The following SNX8 variants were observed in gnomAD, a reference collection of about 807,000 sequenced individuals.
SNX8 encodes the protein sorting nexin 8.
A neutral mutation model predicts 51.6 loss-of-function variants in SNX8; 25 were observed. The observed-to-expected ratio is 0.48, with a 90% CI of 0.35 to 0.68. The LOEUF is 0.68. Ranked by LOEUF, SNX8 falls within the 30% of genes least tolerant of loss-of-function variation. The probability of loss-of-function intolerance (pLI) is 0.00; values close to 1 mark genes in which losing one functional copy is unlikely to be tolerated. For missense variants in SNX8, 695 were observed against 624.0 expected, an observed-to-expected ratio of 1.11 and a Z score of -1.21; for synonymous variants, 324 against 277.0, an observed-to-expected ratio of 1.17 and a Z score of -1.68.
At chr7:2,336,119 G>A (rs1322916497) in intron 1 of SNX8, among the ~76,000 whole-genome samples, 4 of 130,028 alleles carry the variant, frequency 3.1e-5, no homozygotes, top group African/African-American at 8.3e-5. Flanking sequence ...AAAAAAAAAA[G>A]GGCTGGGCAC....
intron 1 of SNX8, among the ~76,000 whole-genome samples, chr7:2,348,274 C>T (rs1028920000): frequency 6.6e-6 from 1 of 150,616 alleles, no homozygotes; most frequent in Non-Finnish European, 1.5e-5. Context: ...AGCCTGCACG[C>T]TCCACCCAGG....
At chr7:2,321,640 T>C in intron 1 of SNX8, among the ~76,000 whole-genome samples, 1 of 150,280 alleles carries the variant, frequency 6.7e-6, no homozygotes, top group South Asian at 2.1e-4. Flanking sequence ...GGTCTCGATC[T>C]CCTTACCTTG....
intron 8 of SNX8, 24 bp from the exon 9 acceptor site, chr7:2,257,538 G>A (rs774513164): frequency 1.3e-5 from 20 of 1,599,194 alleles, no homozygotes; most frequent in Admixed American, 1.7e-5. Context: ...GGAGGCATTC[G>A]CCCGCTGTCT....
At chr7:2,313,799 C>CT (rs1197880743) in intron 1 of SNX8, among the ~76,000 whole-genome samples, 2 of 152,206 alleles carry the variant, frequency 1.3e-5, no homozygotes, top group Non-Finnish European at 2.9e-5. Flanking sequence ...AGAAAAGCAG[C>CT]TACACATCTA....
chr7:2,320,679 G>A (rs762419553), intron 1 of SNX8, among the ~76,000 whole-genome samples: 14 of 152,086 alleles, frequency 9.2e-5, no homozygotes, highest in Non-Finnish European at 2.1e-4. Context: ...AGCCATGATT[G>A]CCCTGCTCCA....
intron 1 of SNX8, among the ~76,000 whole-genome samples, chr7:2,332,920 GGA>G (rs201619684): frequency 0.033 from 5,015 of 151,730 alleles, 161 homozygotes; most frequent in Non-Finnish European, 0.038. Flanking sequence ...GGGAAAGAAA[GGA>G]GAGAGAGAGG....
chr7:2,330,850 T>C (rs1331183347), intron 1 of SNX8, among the ~76,000 whole-genome samples: 1 of 151,828 alleles, frequency 6.6e-6, no homozygotes, highest in Non-Finnish European at 1.5e-5. Context: ...TGCATATGGA[T>C]AGAAAAGAAG....
chr7:2,312,418 C>A (rs73675882), intron 1 of SNX8, among the ~76,000 whole-genome samples: 2,244 of 152,284 alleles, frequency 0.015, 48 homozygotes, highest in African/African-American at 0.051. Flanking sequence ...TCCCAAGTGA[C>A]CCCTCGGAAA....
chr7:2,319,631 C>G (rs1485786296), intron 1 of SNX8, among the ~76,000 whole-genome samples: 1 of 152,120 alleles, frequency 6.6e-6, no homozygotes, highest in Admixed American at 6.6e-5. Flanking sequence ...CTGGCTAACA[C>G]GGTGAAACCC....
intron 1 of SNX8, among the ~76,000 whole-genome samples, chr7:2,348,661 C>A (rs1405988341): frequency 2.0e-5 from 3 of 148,804 alleles, no homozygotes; most frequent in South Asian, 2.3e-4. Context: ...TTCAGGGTTA[C>A]CCAGCCAGTG....
chr7:2,300,569 T>C (rs1796368211), intron 1 of SNX8, among the ~76,000 whole-genome samples: 1 of 151,740 alleles, frequency 6.6e-6, no homozygotes, highest in Non-Finnish European at 1.5e-5. Context: ...CGTACCACCA[T>C]GCCTGGCTAA....
chr7:2,295,578 G>A (rs1239622599), intron 1 of SNX8, among the ~76,000 whole-genome samples: 7 of 134,466 alleles, frequency 5.2e-5, no homozygotes, highest in Non-Finnish European at 9.2e-5. Context: ...GGTGGCAGGC[G>A]CCTGTAATCC....
chr7:2,296,717 G>A (rs189153091), intron 1 of SNX8, among the ~76,000 whole-genome samples: 1 of 151,838 alleles, frequency 6.6e-6, no homozygotes, highest in African/African-American at 2.4e-5. Context: ...GATCACCTGA[G>A]GTCAGGAGTT....
chr7:2,302,347 A>T (rs7811916), intron 1 of SNX8, among the ~76,000 whole-genome samples: 1 of 152,226 alleles, frequency 6.6e-6, no homozygotes, highest in Non-Finnish European at 1.5e-5. Flanking sequence ...TGAGTGATCC[A>T]CCAGCCTCGG....
chr7:2,289,153 T>C (rs950866504), intron 1 of SNX8, among the ~76,000 whole-genome samples: 6 of 152,170 alleles, frequency 3.9e-5, no homozygotes, highest in Non-Finnish European at 8.8e-5. Flanking sequence ...TGGCTGCCCC[T>C]GTGGTGGGCG....
chr7:2,255,125 G>A lies in SNX8; in HGVS notation c.1329C>T (p.Leu443=). 12 of 1,578,258 alleles carry A rather than the reference G, an allele frequency of 7.6e-6. No individual in the cohort carries two copies. Among genetic ancestry groups the A allele is most frequent in the Non-Finnish European group, 1.0e-5 (12 of 1,162,114 alleles). The change falls in exon 11 of 11, where the codon CTC becomes CTT. Residue 443 remains leucine, a synonymous_variant. Coordinates refer to ENST00000222990, the MANE Select transcript of SNX8 (RefSeq NM_013321.4). The part of the protein sequence containing the change: ...WNDLRPKLSC[L]FAGPHSTLTP... ...TCAGGGTGCTGTGTGGTCCCGCAAA[G>A]AGGCAGCTGAGCTTGGGCCTCAGGT...
chr7:2,268,537 C>A (rs1198683668), intron 5 of SNX8, among the ~76,000 whole-genome samples: 1 of 143,790 alleles, frequency 7.0e-6, no homozygotes, highest in Non-Finnish European at 1.5e-5. Context: ...CCGTGCCATC[C>A]GGGAGGGAGG....
chr7:2,332,891 A>AAAAG (rs1308842331), intron 1 of SNX8, among the ~76,000 whole-genome samples: 1 of 151,368 alleles, frequency 6.6e-6, no homozygotes, highest in East Asian at 1.9e-4. Context: ...AGAAAGAAAG[A>AAAAG]AAAGAAAGAA....
At chr7:2,337,392 A>T (rs1257343450) in intron 1 of SNX8, 1 of 150,972 alleles carries the variant, frequency 6.6e-6, no homozygotes. Context: ...GGTAGCAGTG[A>T]GCTGTGTAAT....
Sources: gnomAD v4.1 joint callset for allele counts (sites outside exome capture counted in the v4.1 genomes callset) on GRCh38, gnomAD v4.1.1 for gene constraint, MANE v1.5 for transcripts, NCBI Gene and HGNC (gene_info 2026-07-23, HGNC 2026-07-21) for gene names.